The following NETO1 variants were observed in gnomAD, a reference collection of about 807,000 sequenced individuals.
NETO1 encodes the protein neuropilin and tolloid-like protein 1.
A neutral mutation model predicts 61.3 loss-of-function variants in NETO1; 26 were observed. The observed-to-expected ratio is 0.42, with a 90% confidence interval of 0.31 to 0.59. The LOEUF is 0.59. Ranked by LOEUF, NETO1 falls within the 20% of genes least tolerant of loss-of-function variation. The probability of loss-of-function intolerance (pLI) is 0.12; values close to 1 mark genes in which losing one functional copy is unlikely to be tolerated. For synonymous variants in NETO1, 225 were observed against 225.8 expected (o/e 1.00, Z 0.03); for missense variants, 531 against 662.8 (o/e 0.80, Z 2.18).
At chr18:72,759,638 G>T (rs2070904206) in intron 7 of NETO1, among the ~76,000 whole-genome samples, 1 of 152,150 alleles carries the variant, frequency 6.6e-6, no homozygotes, top group Non-Finnish European at 1.5e-5. Flanking sequence ...CAAGGCCACG[G>T]TCTCCAACGC....
chr18:72,804,321 A>G lies in NETO1; in HGVS notation c.470-9917T>C, dbSNP rs2072607158. ...GGGTACCTTCTTCTAAAAGAACTCT[A>G]AATTACAATTTAATAGCTCAGGCTT... On this transcript the variant is annotated intron_variant, in intron 4 of 10. Transcript: ENST00000327305. Among the ~76,000 whole-genome samples, 2 of 152,164 alleles carry G rather than the reference A, an allele frequency of 1.3e-5. 1 individual carries two copies. Among genetic ancestry groups the G allele is most frequent in the South Asian group, 4.1e-4 (2 of 4,830 alleles).
At chr18:72,789,229 CACACACACACACACACACACAT>C (rs1246220976) in intron 6 of NETO1, among the ~76,000 whole-genome samples, 2 of 145,130 alleles carry the variant, frequency 1.4e-5, no homozygotes, top group South Asian at 2.3e-4. Flanking sequence ...CACACACACA[CACACACACACACACACACACAT>C]GTGCACAGCA....
intron 6 of NETO1, among the ~76,000 whole-genome samples, chr18:72,791,151 A>G (rs560803617): frequency 6.6e-6 from 1 of 152,350 alleles, no homozygotes; most frequent in East Asian, 1.9e-4. Flanking sequence ...CATTCTAATT[A>G]AAGGGGACCA....
chr18:72,758,557 C>CT, intron 7 of NETO1, among the ~76,000 whole-genome samples: 1 of 152,244 alleles, frequency 6.6e-6, no homozygotes, highest in East Asian at 1.9e-4. Context: ...AATGTAGAGG[C>CT]TGGGCGTGGT....
chr18:72,800,866 T>C (rs2072482774), intron 4 of NETO1, among the ~76,000 whole-genome samples: 3 of 152,228 alleles, frequency 2.0e-5, no homozygotes, highest in Admixed American at 6.5e-5. Flanking sequence ...TATGTTGATA[T>C]AATTGCAAGG....
chr18:72,862,031 T>C (rs2074587634), intron 3 of NETO1, among the ~76,000 whole-genome samples: 1 of 152,244 alleles, frequency 6.6e-6, no homozygotes, highest in South Asian at 2.1e-4. Context: ...CTGACCCTCC[T>C]GCCTAACTCT....
In NETO1 at chr18:72,856,015, T is replaced by C. The variant is rs559992077; in HGVS notation, c.469+2811A>G. Among the ~76,000 whole-genome samples the C allele has an allele frequency of 1.2e-4, 18 of 152,322 alleles. No homozygotes were observed. In the East Asian group the frequency reaches 3.5e-3, roughly 29 times the overall value. ...TAATACTCAGAATTCTTAATGAAAA[T>C]GTATATGTGTATTTAGTATGTATAC... On this transcript the variant is annotated intron_variant, in intron 4 of 10. Transcript: ENST00000327305.
chr18:72,766,819 G>GTATCCA (rs2071180692), intron 7 of NETO1, among the ~76,000 whole-genome samples: 1 of 151,938 alleles, frequency 6.6e-6, no homozygotes, highest in African/African-American at 2.4e-5. Context: ...GAATTTATCC[G>GTATCCA]TTATTATCAT....
At chr18:72,860,839 G>C (rs2074549921) in intron 3 of NETO1, among the ~76,000 whole-genome samples, 1 of 151,980 alleles carries the variant, frequency 6.6e-6, no homozygotes, top group South Asian at 2.1e-4. Flanking sequence ...AAATCTGAAG[G>C]AGTTAGACCC....
chr18:72,838,669 C>G (rs756576024), intron 4 of NETO1, among the ~76,000 whole-genome samples: 3 of 152,150 alleles, frequency 2.0e-5, no homozygotes, highest in African/African-American at 7.2e-5. Context: ...TTGCACTGTT[C>G]CAGTGCATCT....
chr18:72,742,517 C>T (rs949595739), downstream of NETO1: 3 of 152,214 alleles, frequency 2.0e-5, no homozygotes, highest in South Asian at 2.1e-4. Flanking sequence ...GAACCTCACA[C>T]GCTGTAAGGT....
chr18:72,822,921 A>G (rs1436018733), intron 4 of NETO1, among the ~76,000 whole-genome samples: 1 of 152,238 alleles, frequency 6.6e-6, no homozygotes, highest in Non-Finnish European at 1.5e-5. Context: ...TTGAGCACAA[A>G]GAACAGTGTG....
intron 4 of NETO1, among the ~76,000 whole-genome samples, chr18:72,846,656 T>G (rs1471795397): frequency 2.0e-5 from 3 of 152,078 alleles, no homozygotes; most frequent in Non-Finnish European, 4.4e-5. Flanking sequence ...TTTTATAATC[T>G]TTTTTTATTT....
rs1599151343 is a variant in NETO1 at position 72,849,687 on chromosome 18, T to C, written c.469+9139A>G. ...TGTTTCTTATTTGTTGCTTTAACAA[T>C]TACCACAACTTAGAACCTTAATAAA... On this transcript the variant is annotated intron_variant, in intron 4 of 10. Transcript: ENST00000327305. 2.6e-5 allele frequency among the ~76,000 whole-genome samples: 4 copies of C among 152,338 alleles called. No homozygotes were observed. In the South Asian group the frequency reaches 8.3e-4, roughly 32 times the overall value.
intron 4 of NETO1, among the ~76,000 whole-genome samples, chr18:72,811,414 G>A (rs535861254): frequency 6.6e-6 from 1 of 152,260 alleles, no homozygotes; most frequent in African/African-American, 2.4e-5. Flanking sequence ...GCTTTCTTCT[G>A]GATGTTTTGG....
chr18:72,790,863 A>AT (rs2072091022), intron 6 of NETO1, among the ~76,000 whole-genome samples: 1 of 152,080 alleles, frequency 6.6e-6, no homozygotes, highest in Non-Finnish European at 1.5e-5. Flanking sequence ...TGTGCTTGGC[A>AT]CTGGGTATCT....
intron 6 of NETO1, among the ~76,000 whole-genome samples, chr18:72,791,246 T>C (rs906388373): frequency 6.6e-6 from 1 of 152,172 alleles, no homozygotes; most frequent in Admixed American, 6.5e-5. Context: ...AAATAATGTG[T>C]ATACATTTTA....
chr18:72,813,381 AT>A (rs1335698492), intron 4 of NETO1, among the ~76,000 whole-genome samples: 1 of 152,176 alleles, frequency 6.6e-6, no homozygotes, highest in Non-Finnish European at 1.5e-5. Context: ...CCCCCAAATA[AT>A]TTTCCAAAGA....
Position 72,854,430 on chromosome 18 carries a change from A to G in NETO1, c.469+4396T>C, listed in dbSNP as rs374197667. ...GAAAAGTCCATAAACATCCCATTCT[A>G]TGTCTGTAAATGACAGAAAATCTCC... On this transcript the variant is annotated intron_variant, in intron 4 of 10. Coordinates refer to ENST00000327305, the MANE Select transcript of NETO1 (RefSeq NM_138966.5). 1.2e-3 allele frequency among the ~76,000 whole-genome samples: 176 copies of G among 152,332 alleles called. 1 individual carries two copies. Among genetic ancestry groups the G allele is most frequent in the African/African-American group, 4.2e-3 (173 of 41,568 alleles).
Sources: allele counts gnomAD v4.1 joint callset (sites outside exome capture counted in the v4.1 genomes callset), GRCh38; gene constraint gnomAD v4.1.1; transcripts MANE v1.5; gene names NCBI Gene and HGNC (gene_info 2026-07-23, HGNC 2026-07-21).